Variants in JMY observed in about 807,000 individuals in gnomAD.
The protein encoded by JMY is junction-mediating and -regulatory protein.
In JMY, 46 loss-of-function variants were observed where a neutral mutation model predicts 103.3. That is an observed-to-expected ratio of 0.45 (90% CI 0.35 to 0.57). The LOEUF (loss-of-function observed/expected upper bound fraction) is 0.57. JMY is among the 20% of genes least tolerant of loss of function. JMY has a pLI of 0.00. For missense variants in JMY, 1,238 were observed against 1,255.2 expected, an observed-to-expected ratio of 0.99 and a Z score of 0.21; for synonymous variants, 526 against 489.3, an observed-to-expected ratio of 1.07 and a Z score of -0.99.
Position 79,322,933 on chromosome 5 carries a change from G to A in JMY, c.*1331G>A, listed in dbSNP as rs149963041. ...CCTAAACCCAGAAAGCAGTACTGGA[G>A]CAAAAGCCCAGTGTATATGAATTGG... is the stretch of plus-strand genomic sequence containing the variant. On this transcript the variant is annotated 3_prime_UTR_variant, in exon 11 of 11. Coordinates refer to ENST00000396137, the MANE Select transcript of JMY (RefSeq NM_152405.5). The A allele has an allele frequency of 2.0e-5, 3 of 152,310 alleles. No individual in the cohort carries two copies. The highest frequency in any genetic ancestry group is 3.4e-3 in the Middle Eastern group (1 of 294). The allele number at this position is 152,310 out of a possible 1,614,324, so 9.4% of individuals were successfully genotyped here. A position where few individuals can be genotyped will look rare whatever the true frequency, so the allele number is the denominator to read the frequency against.
At position 79,298,209 on chromosome 5, in the gene JMY, C is replaced by A. The variant is rs118080239; in HGVS notation, c.1528-1944C>A. Reference sequence around the variant, plus strand: ...AATGAACTCACAGCCTGGATCTGAACAATATCACTGGAAAGTAATCTTAGA... The same window carrying A: ...AATGAACTCACAGCCTGGATCTGAAAAATATCACTGGAAAGTAATCTTAGA... On this transcript the variant is annotated intron_variant, in intron 4 of 10. Transcript: ENST00000396137. 4.4e-4 allele frequency among the ~76,000 whole-genome samples: 67 copies of A among 152,268 alleles called. No individual in the cohort carries two copies. The East Asian group carries it at 0.012, about 27-fold the overall frequency.
intron 1 of JMY, among the ~76,000 whole-genome samples, chr5:79,273,300 G>A (rs184746773): frequency 1.3e-5 from 2 of 152,186 alleles, no homozygotes; most frequent in Non-Finnish European, 2.9e-5. Context: ...TATTTGCTTG[G>A]AAATGGAATT....
chr5:79,258,468 C>T (rs1315106004), intron 1 of JMY, among the ~76,000 whole-genome samples: 1 of 151,998 alleles, frequency 6.6e-6, no homozygotes, highest in African/African-American at 2.4e-5. Flanking sequence ...TCTACCCACT[C>T]AGCCTGGCAG....
chr5:79,316,191 C>G lies in JMY; in HGVS notation c.2851C>G (p.Pro951Ala). The change falls in exon 10 of 11, where the codon CCC becomes GCC. Residue 951 changes from proline (P) to alanine (A), a missense_variant. By Grantham distance (27) the Pro-to-Ala change is conservative. Coordinates refer to ENST00000396137, the MANE Select transcript of JMY (RefSeq NM_152405.5). ...DVLRESFTLL[P>A]DTDPLTRSIH... ...TTTGAGAGAATCCTTCACACTTCTA[C>G]CCGATACAGACCCTCTAACACGGAG... is the stretch of plus-strand genomic sequence containing the variant. 6.2e-7 allele frequency: 1 copy of G among 1,614,050 alleles called. No homozygotes were observed. Among genetic ancestry groups the G allele is most frequent in the Non-Finnish European group, 8.5e-7 (1 of 1,179,930 alleles).
intron 7 of JMY, 43 bp downstream of exon 7, chr5:79,306,504 T>G: frequency 7.2e-7 from 1 of 1,395,334 alleles, no homozygotes; most frequent in Non-Finnish European, 1.0e-6. Flanking sequence ...TTAATTTTTT[T>G]GCATGTTTTA....
intron 1 of JMY, among the ~76,000 whole-genome samples, chr5:79,253,117 CA>C (rs1346067179): frequency 6.6e-6 from 1 of 152,098 alleles, no homozygotes; most frequent in East Asian, 1.9e-4. Context: ...ATGAAGCTTG[CA>C]AATACTATCT....
chr5:79,310,988 T>G (rs1410385303), intron 7 of JMY, among the ~76,000 whole-genome samples: 3 of 152,162 alleles, frequency 2.0e-5, no homozygotes, highest in Non-Finnish European at 2.9e-5. Context: ...TAGCTGGGCA[T>G]GGTGGCGTAT....
At chr5:79,265,726 G>T (rs922461598) in intron 1 of JMY, among the ~76,000 whole-genome samples, 8 of 151,162 alleles carry the variant, frequency 5.3e-5, no homozygotes, top group African/African-American at 1.9e-4. Flanking sequence ...CAGGGAGCAT[G>T]ATGACACGGC....
At chr5:79,310,629 G>T (rs534939000) in intron 7 of JMY, among the ~76,000 whole-genome samples, 3 of 152,132 alleles carry the variant, frequency 2.0e-5, no homozygotes, top group Non-Finnish European at 4.4e-5. Flanking sequence ...CCTTATTATT[G>T]CAACAGTTTC....
At chr5:79,250,562 C>G (rs376344881) in intron 1 of JMY, among the ~76,000 whole-genome samples, 18 of 151,756 alleles carry the variant, frequency 1.2e-4, no homozygotes, top group African/African-American at 3.9e-4. Flanking sequence ...TCTGGAAGCC[C>G]TTAAAAATAC....
intron 6 of JMY, among the ~76,000 whole-genome samples, chr5:79,302,751 A>G (rs1678934477): frequency 6.6e-6 from 1 of 152,232 alleles, no homozygotes; most frequent in African/African-American, 2.4e-5. Flanking sequence ...TTCACATTTT[A>G]GCAAGATAAG....
At chr5:79,270,783 T>A (rs1745761229) in intron 1 of JMY, among the ~76,000 whole-genome samples, 1 of 150,350 alleles carries the variant, frequency 6.7e-6, no homozygotes, top group South Asian at 2.1e-4. Context: ...TTTTTTTTTA[T>A]CAAGGTGAAG....
intron 2 of JMY, chr5:79,284,307 A>C: frequency 6.9e-7 from 1 of 1,449,874 alleles, no homozygotes; most frequent in Non-Finnish European, 9.6e-7. Context: ...GACATCATGG[A>C]GAGGATAGAT....
intron 4 of JMY, among the ~76,000 whole-genome samples, chr5:79,295,865 A>G (rs1276780532): frequency 2.6e-5 from 4 of 152,230 alleles, no homozygotes; most frequent in African/African-American, 9.6e-5. Context: ...TCTAAATACA[A>G]AAAGGTAGGT....
intron 1 of JMY, among the ~76,000 whole-genome samples, chr5:79,241,797 A>G (rs1744751283): frequency 6.6e-6 from 1 of 152,234 alleles, no homozygotes; most frequent in African/African-American, 2.4e-5. Flanking sequence ...ACAAGAGTTT[A>G]CTATTGGAAG....
intron 1 of JMY, among the ~76,000 whole-genome samples, chr5:79,274,395 T>G (rs556964891): frequency 1.8e-4 from 25 of 136,596 alleles, no homozygotes; most frequent in East Asian, 2.1e-4. Flanking sequence ...TTAAAAATAG[T>G]GTTTTTTTTT....
rs564139522 is a variant in JMY at position 79,325,280 on chromosome 5, C to T, written c.*3678C>T. The T allele has an allele frequency of 6.6e-6, 1 of 151,974 alleles. No individual in the cohort carries two copies. 9.4% of individuals were successfully genotyped at this position (151,974 alleles called of 1,614,324 possible). A position where few individuals can be genotyped will look rare whatever the true frequency, so the allele number is the denominator to read the frequency against. On this transcript the variant is annotated 3_prime_UTR_variant, in exon 11 of 11. Transcript: ENST00000396137. ...AGTATTACAAACTTAACATCAGATA[C>T]CAATGTGTAAAAAGTACTATTGGGT...
chr5:79,256,031 T>TTCC (rs1253776153), intron 1 of JMY, among the ~76,000 whole-genome samples: 1 of 152,228 alleles, frequency 6.6e-6, no homozygotes, highest in Non-Finnish European at 1.5e-5. Flanking sequence ...GAGGGAAGAA[T>TTCC]TCCCCCAGGT....
In JMY at chr5:79,288,814, CCTGT is replaced by C. The variant is rs148526182; in HGVS notation, c.1207-1299_1207-1296del. On this transcript the variant is annotated intron_variant, in intron 2 of 10. Transcript: ENST00000396137. Reference sequence around the variant, plus strand: ...CAACTCCTGGTCACAAGCAATCCTCCCTGTCTGTCTGGGAGCAAAAGGAAAGCAG... The same window carrying C: ...CAACTCCTGGTCACAAGCAATCCTCCCTGTCTGGGAGCAAAAGGAAAGCAG... 6.3e-3 allele frequency among the ~76,000 whole-genome samples: 962 copies of C among 152,012 alleles called. 7 individuals carry two copies. Among genetic ancestry groups the C allele is most frequent in the African/African-American group, 0.022 (932 of 41,458 alleles).
Sources: gnomAD v4.1 joint callset for allele counts (sites outside exome capture counted in the v4.1 genomes callset) on GRCh38, gnomAD v4.1.1 for gene constraint, MANE v1.5 for transcripts, NCBI Gene and HGNC (gene_info 2026-07-23, HGNC 2026-07-21) for gene names.